ZNF148: variants seen among roughly 807,000 people sequenced by gnomAD.
The protein encoded by ZNF148 is zinc finger protein 148, also known as Beta-Enolase Repressor Factor-1.
In ZNF148, 7 loss-of-function variants were observed where a neutral mutation model predicts 67.7. The observed-to-expected ratio is 0.10, with a 90% CI of 0.06 to 0.19. The LOEUF (loss-of-function observed/expected upper bound fraction) is 0.19, where lower values mean the gene tolerates loss of function less well. Among genes scored for constraint, ZNF148 ranks in the 10% least tolerant of loss-of-function variants. The probability of loss-of-function intolerance (pLI) is 1.00; values close to 1 mark genes in which losing one functional copy is unlikely to be tolerated. For missense variants in ZNF148, 583 were observed against 947.1 expected, an observed-to-expected ratio of 0.62 and a Z score of 5.05; for synonymous variants, 333 against 330.7, an observed-to-expected ratio of 1.01 and a Z score of -0.08.
At chr3:125,336,559 T>C (rs1273737951) in intron 1 of ZNF148, among the ~76,000 whole-genome samples, 1 of 152,144 alleles carries the variant, frequency 6.6e-6, no homozygotes, top group African/African-American at 2.4e-5. Flanking sequence ...TAAGGAGTTA[T>C]ACTTTATATA....
In ZNF148 at chr3:125,288,681, A is replaced by G. The variant is rs538707439; in HGVS notation, c.334-453T>C. ...TCTGTATTTATAAAATATCAAGTAA[A>G]CCACACAAATTCTAAAAGATAATTT... On this transcript the variant is annotated intron_variant, in intron 4 of 8. Transcript: ENST00000360647. Among the ~76,000 whole-genome samples the G allele has an allele frequency of 2.6e-5, 4 of 152,282 alleles. No individual in the cohort carries two copies. In the South Asian group the frequency reaches 8.3e-4, roughly 32 times the overall value.
At chr3:125,275,199 A>C (rs1032680918) in intron 7 of ZNF148, among the ~76,000 whole-genome samples, 2 of 152,208 alleles carry the variant, frequency 1.3e-5, no homozygotes, top group African/African-American at 2.4e-5. Context: ...ATAGGGCAGA[A>C]TTGATTCTCT....
At chr3:125,243,743 C>T (rs1386086403) in intron 7 of ZNF148, among the ~76,000 whole-genome samples, 4 of 152,074 alleles carry the variant, frequency 2.6e-5, no homozygotes, top group Admixed American at 2.6e-4. Flanking sequence ...CCAGACTGGT[C>T]TCGAATTCCT....
chr3:125,324,919 C>G (rs1399999986), intron 2 of ZNF148, among the ~76,000 whole-genome samples: 1 of 151,940 alleles, frequency 6.6e-6, no homozygotes. Context: ...ATCTCTTTTG[C>G]CAGATACACT....
intron 7 of ZNF148, among the ~76,000 whole-genome samples, chr3:125,269,293 A>G (rs1484070984): frequency 6.6e-6 from 1 of 151,068 alleles, no homozygotes; most frequent in Admixed American, 6.6e-5. Flanking sequence ...AGGTGGGAGG[A>G]TCGCTTGAGC....
intron 1 of ZNF148, among the ~76,000 whole-genome samples, chr3:125,372,668 T>A (rs895578287): frequency 1.3e-5 from 2 of 152,138 alleles, no homozygotes; most frequent in Non-Finnish European, 2.9e-5. Context: ...CAGAACAATT[T>A]TATAATAAAA....
intron 7 of ZNF148, among the ~76,000 whole-genome samples, chr3:125,236,465 G>A (rs1936095609): frequency 2.0e-5 from 3 of 152,068 alleles, no homozygotes; most frequent in Admixed American, 2.0e-4. Context: ...GATTTGGAAT[G>A]GTTTCTTAGA....
At chr3:125,282,862 A>G (rs1231863918) in intron 5 of ZNF148, among the ~76,000 whole-genome samples, 1 of 152,134 alleles carries the variant, frequency 6.6e-6, no homozygotes, top group East Asian at 1.9e-4. Context: ...GACACCCCTC[A>G]CTGAGAAAAA....
chr3:125,277,586 T>C (rs934406293), intron 7 of ZNF148, 140 bp downstream of exon 7: 11 of 651,952 alleles, frequency 1.7e-5, no homozygotes, highest in Non-Finnish European at 2.8e-5. Flanking sequence ...ATTGATTTAT[T>C]GAAGGGAGAA....
At chr3:125,255,749 AT>A (rs1157007571) in intron 7 of ZNF148, among the ~76,000 whole-genome samples, 2 of 152,126 alleles carry the variant, frequency 1.3e-5, no homozygotes, top group African/African-American at 4.8e-5. Flanking sequence ...AGCTTTCAGC[AT>A]TTTAAAGATG....
intron 1 of ZNF148, among the ~76,000 whole-genome samples, chr3:125,369,175 T>C (rs1942792086): frequency 1.5e-5 from 2 of 136,262 alleles, no homozygotes; most frequent in African/African-American, 2.8e-5. Context: ...GGCACGAGAA[T>C]CAGTTGAACT....
chr3:125,304,345 G>C (rs1939758263), intron 4 of ZNF148, among the ~76,000 whole-genome samples: 1 of 152,118 alleles, frequency 6.6e-6, no homozygotes, highest in South Asian at 2.1e-4. Flanking sequence ...AAGCTAAGTG[G>C]GGTGAAGAAA....
intron 2 of ZNF148, among the ~76,000 whole-genome samples, chr3:125,326,107 AT>A (rs1447255180): frequency 6.6e-6 from 1 of 151,972 alleles, no homozygotes; most frequent in African/African-American, 2.4e-5. Flanking sequence ...TATTGAGAAA[AT>A]TTTTTTTGCT....
intron 7 of ZNF148, among the ~76,000 whole-genome samples, chr3:125,277,242 T>C (rs1250463870): frequency 6.6e-6 from 1 of 152,190 alleles, no homozygotes; most frequent in Non-Finnish European, 1.5e-5. Flanking sequence ...TTTATAGTAA[T>C]CCTCTAGAAT....
At position 125,372,326 on chromosome 3, in the gene ZNF148, G is replaced by A. The variant is rs535845920; in HGVS notation, c.-234+2776C>T. 1.8e-4 allele frequency among the ~76,000 whole-genome samples: 28 copies of A among 152,288 alleles called. No homozygotes were observed. The South Asian group carries it at 5.8e-3, about 32-fold the overall frequency. On this transcript the variant is annotated intron_variant, in intron 1 of 8. Transcript: ENST00000360647. ...CTAAAATACAATGGGGAAATCAAGA[G>A]ATACAGCCTAAGATTGTTGGATTCT...
Position 125,230,180 on chromosome 3 carries a change from T to A in ZNF148, c.*2161A>T, listed in dbSNP as rs985075098. On this transcript the variant is annotated 3_prime_UTR_variant, in exon 9 of 9. Coordinates refer to ENST00000360647, the MANE Select transcript of ZNF148 (RefSeq NM_021964.3). ...AAAAAACCTCTCCACTGTATCAAAA[T>A]TGCATCAAGTTCTCCATGAACAAAA... is the stretch of plus-strand genomic sequence containing the variant. The A allele has an allele frequency of 6.6e-6, 1 of 152,442 alleles. No individual in the cohort carries two copies. The highest frequency in any genetic ancestry group is 1.5e-5 in the Non-Finnish European group (1 of 67,988). The allele number at this position is 152,442 out of a possible 1,614,324, so 9.4% of individuals were successfully genotyped here. A position where few individuals can be genotyped will look rare whatever the true frequency, so the allele number is the denominator to read the frequency against.
intron 5 of ZNF148, among the ~76,000 whole-genome samples, chr3:125,281,688 T>G (rs1214742547): frequency 6.6e-6 from 1 of 152,180 alleles, no homozygotes; most frequent in Non-Finnish European, 1.5e-5. Flanking sequence ...TGCCTTTCAT[T>G]GTAGATTCAA....
In ZNF148 at chr3:125,261,233, T is replaced by TAG. The variant is rs1457035547; in HGVS notation, c.667+16491_667+16492dup. On this transcript the variant is annotated intron_variant, in intron 7 of 8. Transcript: ENST00000360647. ...TCCAATAAAATTTTAATTACGACAA[T>TAG]AGACAGGTGGAGCTGGCCCATTGTT... 2.6e-5 allele frequency among the ~76,000 whole-genome samples: 4 copies of TAG among 152,196 alleles called. No individual in the cohort carries two copies. The South Asian group carries it at 6.2e-4, about 24-fold the overall frequency.
chr3:125,324,862 CCT>C (rs2107697436), intron 2 of ZNF148, among the ~76,000 whole-genome samples: 1 of 152,200 alleles, frequency 6.6e-6, no homozygotes, highest in African/African-American at 2.4e-5. Context: ...GAACTATTCA[CCT>C]CTCAGTACTC....
Sources: allele counts gnomAD v4.1 joint callset (sites outside exome capture counted in the v4.1 genomes callset), GRCh38; gene constraint gnomAD v4.1.1; transcripts MANE v1.5; gene names NCBI Gene and HGNC (gene_info 2026-07-23, HGNC 2026-07-21).